The following MICU2 variants were observed in gnomAD, a reference collection of about 807,000 sequenced individuals.
MICU2 encodes calcium uptake protein 2, mitochondrial.
MICU2 carries 64 observed loss-of-function variants against 60.4 expected under a neutral mutation model. That is an observed-to-expected ratio of 1.06 (90% CI 0.87 to 1.31). MICU2 has a LOEUF of 1.31. Ranked by LOEUF, MICU2 falls within the 50% of genes most tolerant of loss-of-function variation. The pLI, the probability that MICU2 is intolerant of heterozygous loss-of-function variation, is 0.00. For synonymous variants in MICU2, 201 were observed against 175.0 expected (o/e 1.15, Z -1.17); for missense variants, 569 against 531.0 (o/e 1.07, Z -0.70).
intron 1 of MICU2, among the ~76,000 whole-genome samples, chr13:21,579,059 T>C (rs1888288162): frequency 6.6e-6 from 1 of 152,206 alleles, no homozygotes; most frequent in Non-Finnish European, 1.5e-5. Flanking sequence ...TTCAGCTTCA[T>C]CTTGGAGTAC....
At chr13:21,495,622 G>A (rs1190425014) in intron 10 of MICU2, 6 of 259,062 alleles carry the variant, frequency 2.3e-5, no homozygotes, top group African/African-American at 8.9e-5. Flanking sequence ...TACAACCTCC[G>A]TCTCCCGGGT....
intron 2 of MICU2, among the ~76,000 whole-genome samples, chr13:21,559,809 G>A (rs1029183051): frequency 6.6e-6 from 1 of 152,116 alleles, no homozygotes; most frequent in African/African-American, 2.4e-5. Flanking sequence ...ACAGGGGTGA[G>A]CCACCATGCC....
At chr13:21,563,490 A>T (rs1887900804) in intron 2 of MICU2, among the ~76,000 whole-genome samples, 1 of 151,666 alleles carries the variant, frequency 6.6e-6, no homozygotes, top group Admixed American at 6.6e-5. Context: ...TGAATATGAT[A>T]CACCTAGGCA....
At position 21,503,051 on chromosome 13, in the gene MICU2, G is replaced by C; in HGVS notation, c.808C>G (p.Gln270Glu). 6.2e-7 allele frequency: 1 copy of C among 1,603,020 alleles called. No individual in the cohort carries two copies. ...QTEIQEMEFL[Q>E]FSKGLSFMRK... Reference sequence around the variant, plus strand: ...ATGAAACTCAAACCTTTAGAAAACTGAAGGAATTCCATTTCTTGAATCTCT... The same window carrying C: ...ATGAAACTCAAACCTTTAGAAAACTCAAGGAATTCCATTTCTTGAATCTCT... Residue 270 changes from glutamine (Q) to glutamate (E), a missense_variant, in exon 9 of 12, where the codon CAG becomes GAG. Gln to Glu is a conservative substitution (Grantham distance 29, BLOSUM62 2). Transcript: ENST00000382374.
chr13:21,548,037 TA>T (rs1887456190), intron 2 of MICU2, among the ~76,000 whole-genome samples: 1 of 152,194 alleles, frequency 6.6e-6, no homozygotes, highest in African/African-American at 2.4e-5. Flanking sequence ...TAGCATTATT[TA>T]TAACAGTGAA....
At chr13:21,551,255 G>C (rs188731021) in intron 2 of MICU2, 1 of 152,468 alleles carries the variant, frequency 6.6e-6, no homozygotes, top group East Asian at 1.9e-4. Context: ...TGGAGAAAAA[G>C]AACCACAATC....
chr13:21,601,185 T>C (rs1024596849), intron 1 of MICU2, among the ~76,000 whole-genome samples: 5 of 152,232 alleles, frequency 3.3e-5, no homozygotes, highest in Non-Finnish European at 7.3e-5. Flanking sequence ...TAAAATTCTA[T>C]TGCAATGAAA....
chr13:21,562,931 T>A (rs1000430748), intron 2 of MICU2, among the ~76,000 whole-genome samples: 1 of 152,220 alleles, frequency 6.6e-6, no homozygotes, highest in Non-Finnish European at 1.5e-5. Context: ...GATCTACTGG[T>A]GACAAATTCT....
chr13:21,532,974 A>G (rs1254973652), intron 4 of MICU2, among the ~76,000 whole-genome samples: 5 of 152,198 alleles, frequency 3.3e-5, no homozygotes, highest in Admixed American at 1.3e-4. Context: ...CAAACTGGTG[A>G]TGGGGTAAAA....
intron 1 of MICU2, among the ~76,000 whole-genome samples, chr13:21,580,723 TGTAA>T (rs1008731320): frequency 1.3e-5 from 2 of 152,184 alleles, no homozygotes; most frequent in African/African-American, 4.8e-5. Flanking sequence ...TAAAACTTCA[TGTAA>T]GTAACAAATA....
At chr13:21,567,038 T>A (rs1888001729) in intron 1 of MICU2, 94 bp from the exon 2 acceptor site, 1 of 1,059,022 alleles carries the variant, frequency 9.4e-7, no homozygotes, top group Admixed American at 3.1e-5. Flanking sequence ...CACGCTTGGA[T>A]CTGACAATCC....
At chr13:21,519,359 C>T (rs1886659427) in intron 6 of MICU2, among the ~76,000 whole-genome samples, 1 of 151,998 alleles carries the variant, frequency 6.6e-6, no homozygotes, top group African/African-American at 2.4e-5. Flanking sequence ...TGCCCACCCT[C>T]GAGAGTTCAC....
intron 1 of MICU2, among the ~76,000 whole-genome samples, chr13:21,572,476 T>A (rs1354199066): frequency 6.6e-6 from 1 of 152,156 alleles, no homozygotes; most frequent in Non-Finnish European, 1.5e-5. Flanking sequence ...AAGGGAGTAG[T>A]CCTTTTCTCT....
chr13:21,531,368 T>C lies in MICU2; in HGVS notation c.466+7934A>G. The C allele has an allele frequency of 2.4e-6, 3 of 1,252,414 alleles. No homozygotes were observed. In the East Asian group the frequency reaches 6.9e-5, roughly 29 times the overall value. The allele number at this position is 1,252,414 out of a possible 1,614,324, so 77.6% of individuals were successfully genotyped here. ...TTGATGGAATGCTTTTATTTTTTAT[T>C]AAGGGACCCTGCAGGAGTTTAAAAC... On this transcript the variant is annotated intron_variant, in intron 4 of 11. Transcript: ENST00000382374.
chr13:21,514,532 A>G, intron 6 of MICU2, 114 bp from the exon 7 acceptor site: 1 of 701,458 alleles, frequency 1.4e-6, no homozygotes, highest in East Asian at 2.8e-5. Context: ...TTTGCTAAAT[A>G]TTAACTTCTT....
intron 1 of MICU2, among the ~76,000 whole-genome samples, chr13:21,582,207 T>C (rs1311038097): frequency 6.6e-6 from 1 of 151,848 alleles, no homozygotes; most frequent in Non-Finnish European, 1.5e-5. Context: ...TTCCCTCTAA[T>C]GACACAATGT....
intron 1 of MICU2, among the ~76,000 whole-genome samples, chr13:21,587,554 T>C (rs1888485577): frequency 6.6e-6 from 1 of 152,208 alleles, no homozygotes; most frequent in Non-Finnish European, 1.5e-5. Flanking sequence ...AGATAGCCAC[T>C]ACTCAATGAT....
Position 21,580,430 on chromosome 13 carries a change from C to T in MICU2, c.211-13486G>A, listed in dbSNP as rs369170161. Among the ~76,000 whole-genome samples, 23 of 152,190 alleles carry T rather than the reference C, an allele frequency of 1.5e-4. No homozygotes were observed. In the East Asian group the frequency reaches 3.3e-3, roughly 22 times the overall value. On this transcript the variant is annotated intron_variant, in intron 1 of 11. Transcript: ENST00000382374. ...ATCTTTCCCTTTTAAAACTTATTGG[C>T]GAATCTACTCCTGTGTCTTTATAAT...
At chr13:21,493,638 C>T (rs771520549) in intron 11 of MICU2, among the ~76,000 whole-genome samples, 13 of 152,134 alleles carry the variant, frequency 8.5e-5, no homozygotes, top group Non-Finnish European at 1.5e-4. Flanking sequence ...TCTCTTCTTT[C>T]ACATACTGGC....
Sources: allele counts gnomAD v4.1 joint callset (sites outside exome capture counted in the v4.1 genomes callset), GRCh38; gene constraint gnomAD v4.1.1; transcripts MANE v1.5; gene names NCBI Gene and HGNC (gene_info 2026-07-23, HGNC 2026-07-21).